The following CCDC191 variants were observed in gnomAD, a reference collection of about 807,000 sequenced individuals.
The protein encoded by CCDC191 is coiled-coil domain containing 191, also known as coiled-coil domain-containing protein 191.
In CCDC191, 99 loss-of-function variants were observed where a neutral mutation model predicts 114.0. That is an observed-to-expected ratio of 0.87 (90% confidence interval 0.74 to 1.03). The LOEUF is 1.03. Among genes scored for constraint, CCDC191 ranks in the 50% least tolerant of loss-of-function variants. CCDC191 has a pLI of 0.00. For missense variants in CCDC191, 973 were observed against 1,087.0 expected (o/e 0.90, Z 1.47); for synonymous variants, 351 against 376.0 (o/e 0.93, Z 0.77).
chr3:113,967,059 A>G (rs1940251980), intron 16 of CCDC191, among the ~76,000 whole-genome samples: 1 of 152,196 alleles, frequency 6.6e-6, no homozygotes, highest in Admixed American at 6.5e-5. Flanking sequence ...AGATCAAGCC[A>G]TGGCATTCCA....
chr3:114,042,928 TATTA>T (rs1410686032), intron 3 of CCDC191, 82 bp from the exon 4 acceptor site: 8 of 1,303,706 alleles, frequency 6.1e-6, no homozygotes, highest in African/African-American at 3.1e-5. Flanking sequence ...ATTCAATAAA[TATTA>T]ATTGAGTACC....
chr3:113,968,453 T>C (rs1940437935), intron 16 of CCDC191, among the ~76,000 whole-genome samples: 1 of 151,184 alleles, frequency 6.6e-6, no homozygotes, highest in African/African-American at 2.4e-5. Flanking sequence ...ATTTAGATCT[T>C]CCCCCCCCTT....
intron 4 of CCDC191, among the ~76,000 whole-genome samples, chr3:114,038,426 T>C (rs2076516299): frequency 6.6e-6 from 1 of 152,204 alleles, no homozygotes; most frequent in Non-Finnish European, 1.5e-5. Context: ...ACTCATGTGT[T>C]TGTGGTGATG....
Position 114,006,615 on chromosome 3 carries a change from T to TATATATATATAA in CCDC191, c.1414-654_1414-653insTTATATATATAT, listed in dbSNP as rs1371654689. 3.6e-3 allele frequency among the ~76,000 whole-genome samples: 305 copies of TATATATATATAA among 84,682 alleles called. 2 individuals are homozygous for TATATATATATAA. Among genetic ancestry groups the TATATATATATAA allele is most frequent in the Middle Eastern group, 0.015 (2 of 130 alleles). The allele number at this position is 84,682 out of a possible 152,430, so 55.6% of individuals were successfully genotyped here. On this transcript the variant is annotated intron_variant, in intron 9 of 16. Transcript: ENST00000295878. ...ATATATATATATATATATATATATA[T>TATATATATATAA]ATAAATATATATATTTTATATATAA...
At chr3:114,020,830 T>C (rs2076233040) in intron 7 of CCDC191, among the ~76,000 whole-genome samples, 1 of 152,148 alleles carries the variant, frequency 6.6e-6, no homozygotes, top group Non-Finnish European at 1.5e-5. Flanking sequence ...ACAAACATAA[T>C]CCATCTTGAT....
rs560841335 is a variant in CCDC191, at chr3:114,045,126, A to G, written c.271+1465T>C. On this transcript the variant is annotated intron_variant, in intron 3 of 16. Coordinates refer to ENST00000295878, the MANE Select transcript of CCDC191 (RefSeq NM_020817.2). ...CAAGTAAACATTTCTTTTCAACTGC[A>G]GGACTTCTCAAAACCCTTAACAGGC... 7.5e-4 allele frequency among the ~76,000 whole-genome samples: 114 copies of G among 152,082 alleles called. 1 individual carries two copies. The highest frequency in any genetic ancestry group is 2.8e-3 in the Admixed American group (43 of 15,268).
intron 16 of CCDC191, 58 bp from the exon 17 acceptor site, chr3:113,965,417 A>G (rs1940022607): frequency 1.1e-6 from 1 of 952,054 alleles, no homozygotes. Flanking sequence ...CTTTCCATCT[A>G]TAGCACATTA....
intron 11 of CCDC191, chr3:114,002,992 GTA>G (rs2075883090): frequency 3.0e-6 from 3 of 985,166 alleles, no homozygotes; most frequent in Non-Finnish European, 3.6e-6. Flanking sequence ...ACATATGTCT[GTA>G]TATATAAGAA....
chr3:114,005,188 A>ACTT (rs1365730616), intron 10 of CCDC191, among the ~76,000 whole-genome samples: 1 of 152,236 alleles, frequency 6.6e-6, no homozygotes, highest in African/African-American at 2.4e-5. Flanking sequence ...ATGTTGTCTG[A>ACTT]CTTGGCTTCT....
chr3:114,036,309 C>T (rs971515811), intron 5 of CCDC191, among the ~76,000 whole-genome samples: 24 of 152,092 alleles, frequency 1.6e-4, no homozygotes, highest in African/African-American at 5.1e-4. Flanking sequence ...ACACAATCTA[C>T]GTGTTTATAA....
rs1286048041 is a variant in CCDC191 at position 114,028,567 on chromosome 3, G to A, written c.972+3059C>T. ...CCCAAAGTGCTGGAATTACAGGCTTGAGCCACCGTGCCCGGCCTCTAAAAC... is the reference window on the plus strand; with the variant it reads ...CCCAAAGTGCTGGAATTACAGGCTTAAGCCACCGTGCCCGGCCTCTAAAAC... On this transcript the variant is annotated intron_variant, in intron 7 of 16. Coordinates refer to ENST00000295878, the MANE Select transcript of CCDC191 (RefSeq NM_020817.2). Among the ~76,000 whole-genome samples, 5 of 151,902 alleles carry A rather than the reference G, an allele frequency of 3.3e-5. No individual in the cohort carries two copies. The South Asian group carries it at 1.0e-3, about 32-fold the overall frequency.
In CCDC191 at chr3:114,056,439, A is replaced by G. The variant is rs1187867245; in HGVS notation, c.28T>C (p.Phe10Leu). 6.2e-7 allele frequency: 1 copy of G among 1,614,022 alleles called. No homozygotes were observed. The highest frequency in any genetic ancestry group is 8.5e-7 in the Non-Finnish European group (1 of 1,180,030). The stretch of plus-strand genomic sequence containing the variant: ...TTCAGCCCCATCCTTTTCTTTGAGA[A>G]GGACCTTCCCTGAGGCGCCAGGAGC... MLLAPQGRS[F>L]SKKRMGLNRW... is the part of the protein sequence containing the mutation. The change falls in exon 1 of 17, where the codon TTC becomes CTC. Residue 10 changes from phenylalanine to leucine, a missense_variant. Coordinates refer to ENST00000295878, the MANE Select transcript of CCDC191 (RefSeq NM_020817.2).
chr3:113,974,737 T>C (rs1305430711), intron 16 of CCDC191, among the ~76,000 whole-genome samples: 1 of 152,192 alleles, frequency 6.6e-6, no homozygotes, highest in Non-Finnish European at 1.5e-5. Flanking sequence ...TGATTAGAGA[T>C]TGTTTGTAAT....
At chr3:113,981,108 G>A (rs1169245986) in intron 13 of CCDC191, among the ~76,000 whole-genome samples, 1 of 152,070 alleles carries the variant, frequency 6.6e-6, no homozygotes, top group Admixed American at 6.6e-5. Context: ...AGAGCAATCA[G>A]GATTTTCCCC....
chr3:113,998,610 G>A (rs760841199), intron 13 of CCDC191, among the ~76,000 whole-genome samples: 8 of 152,134 alleles, frequency 5.3e-5, no homozygotes, highest in Non-Finnish European at 1.0e-4. Flanking sequence ...AGGCACTGCC[G>A]AGTACCCAAT....
At chr3:114,000,014 A>C (rs1162442529) in intron 13 of CCDC191, among the ~76,000 whole-genome samples, 1 of 152,210 alleles carries the variant, frequency 6.6e-6, no homozygotes, top group African/African-American at 2.4e-5. Context: ...CTTTATTTGC[A>C]GATTAACTAC....
intron 13 of CCDC191, among the ~76,000 whole-genome samples, chr3:113,990,176 A>C (rs1474709162): frequency 1.3e-5 from 2 of 152,202 alleles, no homozygotes; most frequent in African/African-American, 4.8e-5. Flanking sequence ...GTTTTTGAAA[A>C]GAAATAAAAT....
At chr3:114,032,983 C>T (rs2076428618) in intron 6 of CCDC191, among the ~76,000 whole-genome samples, 1 of 151,914 alleles carries the variant, frequency 6.6e-6, no homozygotes, top group Admixed American at 6.6e-5. Flanking sequence ...GTTCTAATAC[C>T]ATGAAACTGA....
At chr3:114,056,545 G>A, upstream of CCDC191, 1 of 1,609,234 alleles carries the variant, frequency 6.2e-7, no homozygotes, top group Non-Finnish European at 8.5e-7. Flanking sequence ...GTCACGCTGG[G>A]AATTGTAGTT....
Sources: allele counts gnomAD v4.1 joint callset (sites outside exome capture counted in the v4.1 genomes callset), GRCh38; gene constraint gnomAD v4.1.1; transcripts MANE v1.5; gene names NCBI Gene and HGNC (gene_info 2026-07-23, HGNC 2026-07-21).